SOWAHB: variants seen among roughly 807,000 people sequenced by gnomAD.
The protein encoded by SOWAHB is ankyrin repeat domain-containing protein SOWAHB.
SOWAHB carries 17 observed loss-of-function variants against 18.3 expected under a neutral mutation model. The ratio of observed to expected loss-of-function variants is 0.93; its 90% confidence interval spans 0.64 to 1.40. The LOEUF is 1.40. Among genes scored for constraint, SOWAHB ranks in the 40% most tolerant of loss-of-function variants. SOWAHB has a pLI of 0.00. For synonymous variants in SOWAHB, 496 were observed against 448.1 expected, an observed-to-expected ratio of 1.11 and a Z score of -1.35; for missense variants, 1,126 against 1,033.7, an observed-to-expected ratio of 1.09 and a Z score of -1.22.
Position 76,896,864 on chromosome 4 carries a change from G to C in SOWAHB, c.986C>G (p.Ser329Trp), listed in dbSNP as rs1578082520. ...CTGGAGGAAGTTGTCTGGCAGCACC[G>C]ACCAGGCGCGGATAGGGCCCTGATC... ...ARDQGPIRAWSVLPDNFLQLP... is the reference protein window; with the variant it reads ...ARDQGPIRAWWVLPDNFLQLP... Residue 329 changes from serine to tryptophan, a missense_variant, in exon 1 of 1, where the codon TCG becomes TGG. Transcript: ENST00000334306. 1.9e-6 allele frequency: 3 copies of C among 1,613,552 alleles called. No homozygotes were observed. Among genetic ancestry groups the C allele is most frequent in the Non-Finnish European group, 2.5e-6 (3 of 1,180,024 alleles).
In SOWAHB at chr4:76,896,250, T is replaced by C. The variant is rs140112206; in HGVS notation, c.1600A>G (p.Lys534Glu). The C allele has an allele frequency of 2.4e-5, 38 of 1,598,666 alleles. No individual in the cohort carries two copies. The South Asian group carries it at 4.1e-4, about 17-fold the overall frequency. ...CTTGGGCTGGGTGCCGTTCCTGCCT[T>C]GGAGGGCTTCCTGGATCGAGGTGGG... ...RRPPRSRKPS[K>E]AGTAPSPRVD... Residue 534 changes from lysine to glutamate, a missense_variant, in exon 1 of 1, where the codon AAG (lysine) becomes GAG (glutamate). Coordinates refer to ENST00000334306, the MANE Select transcript of SOWAHB (RefSeq NM_001029870.3).
At position 76,895,590 on chromosome 4, in the gene SOWAHB, T is replaced by C. The variant is rs769134081; in HGVS notation, c.2260A>G (p.Arg754Gly). The change falls in exon 1 of 1, where the codon AGA (arginine) becomes GGA (glycine). Residue 754 changes from arginine (R) to glycine (G), a missense_variant. Transcript: ENST00000334306. ...TRKAKSKEIS[R>G]SVTRKTSFAA... is the part of the protein sequence containing the mutation. The stretch of plus-strand genomic sequence containing the variant: ...AAGGAAGTTTTTCGGGTGACACTTC[T>C]AGATATTTCCTTGCTCTTGGCCTTT... 40 of 1,614,246 alleles carry C rather than the reference T, an allele frequency of 2.5e-5. No individual in the cohort carries two copies. The highest frequency in any genetic ancestry group is 3.1e-5 in the Non-Finnish European group (36 of 1,180,044).
Position 76,898,090 on chromosome 4 carries a change from G to C in SOWAHB, c.-241C>G. ...AGTCTGCGTGAGAGAGGGCGGCTCC[G>C]AGGCCGCCCCTGCGCGACTCTAGCC... On this transcript the variant is annotated 5_prime_UTR_variant, in exon 1 of 1. Coordinates refer to ENST00000334306, the MANE Select transcript of SOWAHB (RefSeq NM_001029870.3). 5 of 506,806 alleles carry C rather than the reference G, an allele frequency of 9.9e-6. No homozygotes were observed. Among genetic ancestry groups the C allele is most frequent in the Non-Finnish European group, 1.4e-5 (4 of 290,646 alleles). The allele number at this position is 506,806 out of a possible 1,614,324, so 31.4% of individuals were successfully genotyped here.
chr4:76,897,460 C>T lies in SOWAHB; in HGVS notation c.390G>A (p.Glu130=). The T allele has an allele frequency of 6.7e-7, 1 of 1,496,158 alleles. No individual in the cohort carries two copies. The allele number at this position is 1,496,158 out of a possible 1,614,324, so 92.7% of individuals were successfully genotyped here. ...TGGCTGCTGCACCTGCTGGCTCCTC[C>T]TCCGGCTCCTTCTCGCGCCGCCGCC... The part of the protein sequence containing the change: ...PRRRRREKEP[E]EEPAGAAARA... Residue 130 remains glutamate, a synonymous_variant, in exon 1 of 1, where the codon GAG becomes GAA. Transcript: ENST00000334306. This position sits in a 1 kb window ranked among gnomAD's most constrained non-coding sequence, Gnocchi z 6.4.
Position 76,897,556 on chromosome 4 carries a change from A to G in SOWAHB, c.294T>C (p.Ser98=). The change falls in exon 1 of 1, where the codon AGT becomes AGC. Residue 98 remains serine, a synonymous_variant. Transcript: ENST00000334306. The surrounding 1 kb of genome is among the most constrained non-coding windows in gnomAD (Gnocchi z 6.4). ...GGGAGCAGGGCGCAGCTCCCCCTGC[A>G]CTGGGGGCGGCCGCGGGCGGCTCGC... The part of the protein sequence containing the change: ...RPREPPAAAP[S]AGGAAPCSPR... 6.4e-7 allele frequency: 1 copy of G among 1,574,562 alleles called. No homozygotes were observed. Among genetic ancestry groups the G allele is most frequent in the South Asian group, 1.1e-5 (1 of 87,438 alleles).
In SOWAHB at chr4:76,897,227, A is replaced by G. The variant is rs760329241; in HGVS notation, c.623T>C (p.Leu208Pro). Residue 208 changes from leucine to proline, a missense_variant, in exon 1 of 1, where the codon CTG (leucine) becomes CCG (proline). Physicochemically the swap from Leu to Pro is moderately conservative, Grantham distance 98. Transcript: ENST00000334306. This position sits in a 1 kb window ranked among gnomAD's most constrained non-coding sequence, Gnocchi z 6.4. ...CGGGAGTGCGCCGAGCTCTCCCGGCAGTACAGCCAGGTTGTTCTGGAGGCA... is the reference window on the plus strand; with the variant it reads ...CGGGAGTGCGCCGAGCTCTCCCGGCGGTACAGCCAGGTTGTTCTGGAGGCA... ...WECLQNNLAV[L>P]PGELGALPHS... 16 of 1,582,150 alleles carry G rather than the reference A, an allele frequency of 1.0e-5. No homozygotes were observed. In the South Asian group the frequency reaches 1.8e-4, roughly 18 times the overall value.
In SOWAHB at chr4:76,896,102, G is replaced by T; in HGVS notation, c.1748C>A (p.Thr583Asn). ...AACCAGGGATGATTTGTGCTCAGAA[G>T]TTCTGTGGGGGGCCAAGGCTGCAGA... The part of the protein sequence containing the change: ...EGSAALAPHR[T>N]SEHKSSLVPL... Residue 583 changes from threonine (T) to asparagine (N), a missense_variant, in exon 1 of 1, where the codon ACT becomes AAT. By Grantham distance (65) the Thr-to-Asn change is moderately conservative (BLOSUM62 0). Coordinates refer to ENST00000334306, the MANE Select transcript of SOWAHB (RefSeq NM_001029870.3). 1 of 1,582,198 alleles carries T rather than the reference G, an allele frequency of 6.3e-7. No individual in the cohort carries two copies. Among genetic ancestry groups the T allele is most frequent in the East Asian group, 2.2e-5 (1 of 44,610 alleles).
Position 76,895,364 on chromosome 4 carries a change from A to C in SOWAHB, c.*104T>G, listed in dbSNP as rs1293164053. The C allele has an allele frequency of 8.6e-7, 1 of 1,163,896 alleles. No individual in the cohort carries two copies. Among genetic ancestry groups the C allele is most frequent in the Admixed American group, 2.5e-5 (1 of 39,768 alleles). The allele number at this position is 1,163,896 out of a possible 1,614,324, so 72.1% of individuals were successfully genotyped here. A position where few individuals can be genotyped will look rare whatever the true frequency, so the allele number is the denominator to read the frequency against. On this transcript the variant is annotated 3_prime_UTR_variant, in exon 1 of 1. Coordinates refer to ENST00000334306, the MANE Select transcript of SOWAHB (RefSeq NM_001029870.3). ...AGGGAGGTCAACACCATCTCACTCG[A>C]CCATCCTCTTTACCAACTCTCAGCA...
rs1719962563 is a variant in SOWAHB, at chr4:76,897,531, G to C, written c.319C>G (p.Pro107Ala). 1 of 1,423,420 alleles carries C rather than the reference G, an allele frequency of 7.0e-7. No individual in the cohort carries two copies. The allele number at this position is 1,423,420 out of a possible 1,614,324, so 88.2% of individuals were successfully genotyped here. A position where few individuals can be genotyped will look rare whatever the true frequency, so the allele number is the denominator to read the frequency against. Residue 107 changes from proline (P) to alanine (A), a missense_variant, in exon 1 of 1, where the codon CCG becomes GCG. By Grantham distance (27) the Pro-to-Ala change is conservative (BLOSUM62 -1). Coordinates refer to ENST00000334306, the MANE Select transcript of SOWAHB (RefSeq NM_001029870.3). This position sits in a 1 kb window ranked among gnomAD's most constrained non-coding sequence, Gnocchi z 6.4. The part of the protein sequence containing the change: ...PSAGGAAPCS[P>A]RGARRGEPPQ... ...GGCTCCCCCCGGCGCGCGCCTCGCG[G>C]GGAGCAGGGCGCAGCTCCCCCTGCA...
In SOWAHB at chr4:76,896,354, C is replaced by A; in HGVS notation, c.1496G>T (p.Ser499Ile). 1 of 1,601,132 alleles carries A rather than the reference C, an allele frequency of 6.2e-7. No homozygotes were observed. Among genetic ancestry groups the A allele is most frequent in the Non-Finnish European group, 8.5e-7 (1 of 1,172,056 alleles). The change falls in exon 1 of 1, where the codon AGC becomes ATC. Residue 499 changes from serine (S) to isoleucine (I), a missense_variant. By Grantham distance (142) the Ser-to-Ile change is moderately radical (BLOSUM62 -2). Transcript: ENST00000334306. ...CAATTTGGCTCTCCCTGCCAGAGAG[C>A]TCCTCCTGAGGGACCTCCTTAACTT... is the stretch of plus-strand genomic sequence containing the variant. ...VPKLRRSLRR[S>I]SLAGRAKLSS... is the part of the protein sequence containing the mutation.
chr4:76,896,939 T>G lies in SOWAHB; in HGVS notation c.911A>C (p.Gln304Pro). Residue 304 changes from glutamine to proline, a missense_variant, in exon 1 of 1, where the codon CAG (glutamine) becomes CCG (proline). Transcript: ENST00000334306. ...CCTGGCCACCCACTCTCGAGTGCGC[T>G]GCTGCTGCTGCTGCAGGGTCGAATA... ...LHYSTLQQQQ[Q>P]RTREWVARHP... 1.3e-6 allele frequency: 2 copies of G among 1,594,578 alleles called. No homozygotes were observed. The highest frequency in any genetic ancestry group is 2.2e-5 in the South Asian group (2 of 89,142).
chr4:76,898,025 G>T lies in SOWAHB; in HGVS notation c.-176C>A. 1 of 668,998 alleles carries T rather than the reference G, an allele frequency of 1.5e-6. No individual in the cohort carries two copies. The highest frequency in any genetic ancestry group is 2.4e-6 in the Non-Finnish European group (1 of 408,280). 41.4% of individuals were successfully genotyped at this position (668,998 alleles called of 1,614,324 possible). On this transcript the variant is annotated 5_prime_UTR_variant, in exon 1 of 1. Coordinates refer to ENST00000334306, the MANE Select transcript of SOWAHB (RefSeq NM_001029870.3). ...CCCGTGAGCGCGCCAGGAGGGCCGT[G>T]GGTCCCCTCCGGGTGGCCCCAAGGC...
chr4:76,895,418 C>T lies in SOWAHB; in HGVS notation c.*50G>A, dbSNP rs1302911594. The T allele has an allele frequency of 3.3e-6, 5 of 1,495,948 alleles. No individual in the cohort carries two copies. Among genetic ancestry groups the T allele is most frequent in the Middle Eastern group, 1.8e-4 (1 of 5,588 alleles). The allele number at this position is 1,495,948 out of a possible 1,614,324, so 92.7% of individuals were successfully genotyped here. On this transcript the variant is annotated 3_prime_UTR_variant, in exon 1 of 1. Coordinates refer to ENST00000334306, the MANE Select transcript of SOWAHB (RefSeq NM_001029870.3). The stretch of plus-strand genomic sequence containing the variant: ...TTTCTATTCCCCCTGAATTCTCTCA[C>T]TGAGCAGGATGAGGGAGTGCTGCCT...
chr4:76,897,128 C>G lies in SOWAHB; in HGVS notation c.722G>C (p.Arg241Pro), dbSNP rs554299923. 10 of 1,541,574 alleles carry G rather than the reference C, an allele frequency of 6.5e-6. No individual in the cohort carries two copies. The African/African-American group carries it at 6.8e-5, about 10-fold the overall frequency. Residue 241 changes from arginine to proline, a missense_variant, in exon 1 of 1, where the codon CGG (arginine) becomes CCG (proline). Coordinates refer to ENST00000334306, the MANE Select transcript of SOWAHB (RefSeq NM_001029870.3). This position sits in a 1 kb window ranked among gnomAD's most constrained non-coding sequence, Gnocchi z 6.4. ...AQDDRGASREREEGALAEPAP... is the reference protein window; with the variant it reads ...AQDDRGASREPEEGALAEPAP... ...CGGCTCAGCTAGCGCGCCTTCTTCCCGCTCCCTGGAAGCCCCGCGGTCATC... is the reference window on the plus strand; with the variant it reads ...CGGCTCAGCTAGCGCGCCTTCTTCCGGCTCCCTGGAAGCCCCGCGGTCATC...
Position 76,897,351 on chromosome 4 carries a change from G to A in SOWAHB, c.499C>T (p.Pro167Ser), listed in dbSNP as rs1011789454. Residue 167 changes from proline (P) to serine (S), a missense_variant, in exon 1 of 1, where the codon CCC (proline) becomes TCC (serine). Physicochemically the swap from Pro to Ser is moderately conservative, Grantham distance 74. Transcript: ENST00000334306. The surrounding 1 kb of genome is among the most constrained non-coding windows in gnomAD (Gnocchi z 6.4). ...GCGGGCACCGGCGGCCTCTGTCCGG[G>A]ACTGCCCTTCGATCCGCCGCCCTTC... is the stretch of plus-strand genomic sequence containing the variant. The part of the protein sequence containing the change: ...PGKGGGSKGS[P>S]GQRPPVPAAA... The A allele has an allele frequency of 1.8e-5, 28 of 1,534,054 alleles. No homozygotes were observed. In the African/African-American group the frequency reaches 2.2e-4, roughly 12 times the overall value.
Position 76,896,359 on chromosome 4 carries a change from C to G in SOWAHB, c.1491G>C (p.Arg497Ser). 1 of 1,599,724 alleles carries G rather than the reference C, an allele frequency of 6.3e-7. No individual in the cohort carries two copies. The highest frequency in any genetic ancestry group is 8.5e-7 in the Non-Finnish European group (1 of 1,171,468). Reference sequence around the variant, plus strand: ...TGGCTCTCCCTGCCAGAGAGCTCCTCCTGAGGGACCTCCTTAACTTAGGAA... The same window carrying G: ...TGGCTCTCCCTGCCAGAGAGCTCCTGCTGAGGGACCTCCTTAACTTAGGAA... ...WPVPKLRRSL[R>S]RSSLAGRAKL... Residue 497 changes from arginine (R) to serine (S), a missense_variant, in exon 1 of 1, where the codon AGG (arginine) becomes AGC (serine). By Grantham distance (110) the Arg-to-Ser change is moderately radical. Coordinates refer to ENST00000334306, the MANE Select transcript of SOWAHB (RefSeq NM_001029870.3).
In SOWAHB at chr4:76,896,857, C is replaced by A. The variant is rs760074205; in HGVS notation, c.993G>T (p.Leu331=). The change falls in exon 1 of 1, where the codon CTG becomes CTT. Residue 331 remains leucine, a synonymous_variant. Transcript: ENST00000334306. Reference sequence around the variant, plus strand: ...AGGGCAGCTGGAGGAAGTTGTCTGGCAGCACCGACCAGGCGCGGATAGGGC... The same window carrying A: ...AGGGCAGCTGGAGGAAGTTGTCTGGAAGCACCGACCAGGCGCGGATAGGGC... ...DQGPIRAWSV[L]PDNFLQLPLE... 1.2e-6 allele frequency: 2 copies of A among 1,613,434 alleles called. No homozygotes were observed. The highest frequency in any genetic ancestry group is 2.7e-5 in the African/African-American group (2 of 74,950).
In SOWAHB at chr4:76,895,137, AG is replaced by A; in HGVS notation, c.*330del. On this transcript the variant is annotated 3_prime_UTR_variant, in exon 1 of 1. Transcript: ENST00000334306. ...TTTGTTAGACATCTGTTCCCTCTCT[AG>A]CCAAGGCCTGGGACTCCTGCTTCAG... 1 of 207,808 alleles carries A rather than the reference AG, an allele frequency of 4.8e-6. No individual in the cohort carries two copies. The highest frequency in any genetic ancestry group is 9.5e-6 in the Non-Finnish European group (1 of 105,084). 12.9% of individuals were successfully genotyped at this position (207,808 alleles called of 1,614,324 possible).
rs375756642 is a variant in SOWAHB at position 76,896,199 on chromosome 4, G to C, written c.1651C>G (p.Leu551Val). The change falls in exon 1 of 1, where the codon CTT (leucine) becomes GTT (valine). Residue 551 changes from leucine to valine, a missense_variant. Leu to Val is a conservative substitution (Grantham distance 32). Coordinates refer to ENST00000334306, the MANE Select transcript of SOWAHB (RefSeq NM_001029870.3). ...PRVDAGLSLKLAEVKAVVAER... is the reference protein window; with the variant it reads ...PRVDAGLSLKVAEVKAVVAER... ...GCCACAACAGCCTTAACCTCTGCAAGTTTTAGTGATAAACCTGCATCAACC... is the reference window on the plus strand; with the variant it reads ...GCCACAACAGCCTTAACCTCTGCAACTTTTAGTGATAAACCTGCATCAACC... 142 of 1,561,208 alleles carry C rather than the reference G, an allele frequency of 9.1e-5. No individual in the cohort carries two copies. The highest frequency in any genetic ancestry group is 1.2e-4 in the Non-Finnish European group (141 of 1,152,872).
Sources: gnomAD v4.1 joint callset for allele counts on GRCh38, gnomAD v4.1.1 for gene constraint, Gnocchi (gnomAD v3.1) non-coding constraint, MANE v1.5 for transcripts, NCBI Gene and HGNC (gene_info 2026-07-23, HGNC 2026-07-21) for gene names.